DCLRE1C: variants seen among roughly 807,000 people sequenced by gnomAD.
DCLRE1C encodes protein artemis.
Under a neutral mutation model 61.4 loss-of-function variants are expected in DCLRE1C, and 47 were observed. The ratio of observed to expected loss-of-function variants is 0.77; its 90% CI spans 0.61 to 0.98. DCLRE1C has a LOEUF of 0.98. DCLRE1C is among the 50% of genes least tolerant of loss of function. The pLI, the probability that DCLRE1C is intolerant of heterozygous loss-of-function variation, is 0.00. For synonymous variants in DCLRE1C, 337 were observed against 287.6 expected (o/e 1.17, Z -1.74); for missense variants, 858 against 816.0 (o/e 1.05, Z -0.63).
At chr10:14,901,014 CA>C (rs1833971664), downstream of DCLRE1C, 7 of 1,351,906 alleles carry the variant, frequency 5.2e-6, no homozygotes, top group Non-Finnish European at 7.1e-6. Flanking sequence ...AAGCAATAAG[CA>C]ACTTAATTTC....
Position 14,908,823 on chromosome 10 carries a change from G to T in DCLRE1C, c.1664C>A (p.Ser555Tyr). 2 of 1,614,214 alleles carry T rather than the reference G, an allele frequency of 1.2e-6. No homozygotes were observed. The highest frequency in any genetic ancestry group is 1.3e-5 in the African/African-American group (1 of 75,042). ...TTGGGAAGATAACAAAACAGTATCA[G>T]ATTGGCTGTCCCAGCCTTGACTTCC... Reference protein sequence around the residue: ...EQGSQGWDSQSDTVLLSSQER... With the variant: ...EQGSQGWDSQYDTVLLSSQER... Residue 555 changes from serine to tyrosine, a missense_variant, in exon 14 of 14, where the codon TCT becomes TAT. Ser to Tyr is a moderately radical substitution (Grantham distance 144, BLOSUM62 -2). This residue lies in a region of DCLRE1C where 843 missense variants were observed against 783.5 expected (regional missense o/e 1.08). Coordinates refer to ENST00000378278, the MANE Select transcript of DCLRE1C (RefSeq NM_001033855.3).
intron 11 of DCLRE1C, among the ~76,000 whole-genome samples, chr10:14,925,710 T>G (rs1216550788): frequency 1.3e-5 from 2 of 152,198 alleles, no homozygotes; most frequent in African/African-American, 4.8e-5. Flanking sequence ...CTCCCGTGCT[T>G]AGGAACACTC....
intron 2 of DCLRE1C, 115 bp from the exon 3 acceptor site, chr10:14,945,304 C>T (rs1841509209): frequency 2.1e-6 from 3 of 1,405,570 alleles, no homozygotes; most frequent in Middle Eastern, 2.6e-4. Context: ...GTCTGACCAA[C>T]ATGGTGAAAC....
chr10:14,949,036 C>T lies in DCLRE1C; in HGVS notation c.161G>A (p.Ser54Asn). Residue 54 changes from serine (S) to asparagine (N), a missense_variant and splice_region_variant, in exon 2 of 14, where the codon AGC (serine) becomes AAC (asparagine). Physicochemically the swap from Ser to Asn is conservative, Grantham distance 46 (BLOSUM62 1). Around this residue, in one of 2 missense-constraint regions of DCLRE1C, gnomAD observed 843 missense variants for 783.5 expected, o/e 1.08. Transcript: ENST00000378278. ...AAACACAAGTAGCAAAATAAATTACCTGCACTCCAACCTTCTTTTCAAGGT... is the reference window on the plus strand; with the variant it reads ...AAACACAAGTAGCAAAATAAATTACTTGCACTCCAACCTTCTTTTCAAGGT... ...APTLKRRLEC[S>N]LKVYLYCSPV... The T allele has an allele frequency of 6.2e-7, 1 of 1,607,380 alleles. No individual in the cohort carries two copies. The highest frequency in any genetic ancestry group is 8.5e-7 in the Non-Finnish European group (1 of 1,174,334).
At chr10:14,915,319 AAAC>A (rs1165585570) in intron 13 of DCLRE1C, among the ~76,000 whole-genome samples, 1 of 152,094 alleles carries the variant, frequency 6.6e-6, no homozygotes, top group African/African-American at 2.4e-5. Flanking sequence ...CGTGCCAAAA[AAAC>A]AAAAAAGAGA....
chr10:14,940,545 T>C (rs1440413372), intron 3 of DCLRE1C, among the ~76,000 whole-genome samples: 1 of 152,020 alleles, frequency 6.6e-6, no homozygotes, highest in Non-Finnish European at 1.5e-5. Context: ...GCCTCAGCTT[T>C]CCAAAGTGCT....
downstream of DCLRE1C, chr10:14,903,349 C>T (rs1157040537): frequency 6.6e-6 from 1 of 152,132 alleles, no homozygotes; most frequent in Non-Finnish European, 1.5e-5. Context: ...AAATCTGTGT[C>T]GAGTACCTCT....
chr10:14,919,282 G>T (rs571467798), intron 13 of DCLRE1C, among the ~76,000 whole-genome samples: 3 of 152,094 alleles, frequency 2.0e-5, no homozygotes, highest in Non-Finnish European at 4.4e-5. Context: ...AAGGTACAAA[G>T]TATAGAGAAA....
chr10:14,941,183 T>C (rs527889426), intron 3 of DCLRE1C, among the ~76,000 whole-genome samples: 36 of 152,376 alleles, frequency 2.4e-4, no homozygotes, highest in African/African-American at 8.4e-4. Context: ...AGTCCTCTTT[T>C]CTAATATATC....
rs918636405 is a variant in DCLRE1C, at chr10:14,935,381, G to A, written c.464+82C>T. The A allele has an allele frequency of 1.3e-4, 190 of 1,462,070 alleles. 2 individuals are homozygous for A. The highest frequency in any genetic ancestry group is 5.3e-5 in the Admixed American group (3 of 56,820). 90.6% of individuals were successfully genotyped at this position (1,462,070 alleles called of 1,614,324 possible). ...CTTGGGAGGCTGAGGCAGGAGAATC[G>A]CTTGAACTCTGGGCGACACAGCAAG... On this transcript the variant is annotated intron_variant, in intron 6 of 13. Coordinates refer to ENST00000378278, the MANE Select transcript of DCLRE1C (RefSeq NM_001033855.3).
chr10:14,935,662 T>C, intron 5 of DCLRE1C, 98 bp from the exon 6 acceptor site: 2 of 1,168,502 alleles, frequency 1.7e-6, no homozygotes, highest in South Asian at 1.2e-5. Flanking sequence ...CCTGCAAACA[T>C]ATCCATTACA....
chr10:14,946,492 G>A (rs1403388949), intron 2 of DCLRE1C, among the ~76,000 whole-genome samples: 1 of 152,086 alleles, frequency 6.6e-6, no homozygotes, highest in Non-Finnish European at 1.5e-5. Context: ...TTGAACCTGG[G>A]CAGTTTTCTG....
intron 12 of DCLRE1C, 60 bp from the exon 13 acceptor site, chr10:14,919,892 C>T: frequency 1.5e-6 from 2 of 1,328,488 alleles, no homozygotes; most frequent in Non-Finnish European, 2.2e-6. Context: ...AGGTAGACAT[C>T]ATTGATAGTA....
intron 1 of DCLRE1C, among the ~76,000 whole-genome samples, chr10:14,953,535 G>C (rs568456693): frequency 6.6e-6 from 1 of 151,996 alleles, no homozygotes; most frequent in East Asian, 1.9e-4. Flanking sequence ...CAATGTTTGA[G>C]GGTGTGGTCA....
intron 10 of DCLRE1C, 85 bp from the exon 11 acceptor site, chr10:14,926,982 T>C: frequency 1.7e-6 from 2 of 1,177,104 alleles, no homozygotes; most frequent in Admixed American, 3.7e-5. Flanking sequence ...TTTAGGCTAT[T>C]CTAGCATGAA....
chr10:14,897,525 T>G (rs1243326611), exon 14 of DCLRE1C: 1 of 1,514,676 alleles, frequency 6.6e-7, no homozygotes. Flanking sequence ...GAGGTATGTT[T>G]CATTTGCCAC....
At chr10:14,932,702 A>G in intron 9 of DCLRE1C, 152 bp downstream of exon 9, 1 of 839,406 alleles carries the variant, frequency 1.2e-6, no homozygotes, top group Non-Finnish European at 2.0e-6. Context: ...GAATATGGCA[A>G]TGTACAGTTC....
chr10:14,909,190 G>C lies in DCLRE1C; in HGVS notation c.1297C>G (p.Pro433Ala), dbSNP rs1370746693. The change falls in exon 14 of 14, where the codon CCA (proline) becomes GCA (alanine). Residue 433 changes from proline to alanine, a missense_variant. Physicochemically the swap from Pro to Ala is conservative, Grantham distance 27 (BLOSUM62 -1). Around this residue, in one of 2 missense-constraint regions of DCLRE1C, gnomAD observed 843 missense variants for 783.5 expected, o/e 1.08. Transcript: ENST00000378278. ...EKQPEKLRQT[P>A]GCCRAECMQS... Reference sequence around the variant, plus strand: ...ATACACTCTGCTCTGCAGCATCCTGGGGTTTGTCTCAGTTTTTCAGGCTGC... The same window carrying C: ...ATACACTCTGCTCTGCAGCATCCTGCGGTTTGTCTCAGTTTTTCAGGCTGC... 1 of 1,613,976 alleles carries C rather than the reference G, an allele frequency of 6.2e-7. No individual in the cohort carries two copies. The highest frequency in any genetic ancestry group is 2.2e-5 in the East Asian group (1 of 44,868).
At chr10:14,919,543 A>G (rs1190903147) in intron 13 of DCLRE1C, among the ~76,000 whole-genome samples, 195 bp downstream of exon 13, 1 of 151,370 alleles carries the variant, frequency 6.6e-6, no homozygotes, top group Non-Finnish European at 1.5e-5. Flanking sequence ...TTTAACCCAG[A>G]GAAGGAGAGC....
Sources: allele counts gnomAD v4.1 joint callset (sites outside exome capture counted in the v4.1 genomes callset), GRCh38; gene constraint gnomAD v4.1.1; regional missense constraint gnomAD v4.1.1; transcripts MANE v1.5; gene names NCBI Gene and HGNC (gene_info 2026-07-23, HGNC 2026-07-21).